Variants in CRYZL1 observed in about 807,000 individuals in gnomAD.
The protein encoded by CRYZL1 is crystallin zeta like 1, also known as ferry endosomal RAB5 effector complex subunit 4.
In CRYZL1, 34 loss-of-function variants were observed where a neutral mutation model predicts 50.6. The ratio of observed to expected loss-of-function variants is 0.67; its 90% CI spans 0.51 to 0.89. CRYZL1 has a LOEUF of 0.89. CRYZL1 is among the 40% of genes least tolerant of loss of function. The pLI is 0.00. For synonymous variants in CRYZL1, 125 were observed against 134.3 expected (o/e 0.93, Z 0.48); for missense variants, 354 against 402.3 (o/e 0.88, Z 1.03).
At position 33,603,405 on chromosome 21, in the gene CRYZL1, C is replaced by G. The variant is rs2086775993; in HGVS notation, c.464G>C (p.Ser155Thr). The change falls in exon 7 of 13, where the codon AGT becomes ACT. Residue 155 changes from serine (S) to threonine (T), a missense_variant and splice_region_variant. Coordinates refer to ENST00000381554, the MANE Select transcript of CRYZL1 (RefSeq NM_145858.3). ...CTTAACAAAACCATTAGCACCTACACTTGCTCCATCCATTATCAGCACTGA... is the reference window on the plus strand; with the variant it reads ...CTTAACAAAACCATTAGCACCTACAGTTGCTCCATCCATTATCAGCACTGA... ...GKSVLIMDGA[S>T]AFGTIAIQLA... is the part of the protein sequence containing the mutation. The G allele has an allele frequency of 1.2e-5, 19 of 1,613,902 alleles. No individual in the cohort carries two copies. Among genetic ancestry groups the G allele is most frequent in the Middle Eastern group, 1.6e-4 (1 of 6,084 alleles).
intron 8 of CRYZL1, among the ~76,000 whole-genome samples, chr21:33,600,010 T>C (rs895321039): frequency 6.6e-6 from 1 of 152,130 alleles, no homozygotes; most frequent in Admixed American, 6.6e-5. Context: ...ACAGATGATA[T>C]GCTCATCTTT....
intron 6 of CRYZL1, among the ~76,000 whole-genome samples, chr21:33,610,919 A>AT (rs2086866344): frequency 0.04 from 5 of 126 alleles, no homozygotes; most frequent in South Asian, 0.33. Context: ...TTTAGTAGAG[A>AT]CGGGTTTCAC....
chr21:33,610,948 C>G (rs376917704), intron 6 of CRYZL1, among the ~76,000 whole-genome samples: 6 of 151,836 alleles, frequency 4.0e-5, no homozygotes. Context: ...CCAGGCTGGT[C>G]TCGGACTCCT....
intron 1 of CRYZL1, among the ~76,000 whole-genome samples, chr21:33,636,956 G>A (rs1304128316): frequency 5.3e-5 from 8 of 152,070 alleles, no homozygotes; most frequent in African/African-American, 9.7e-5. Flanking sequence ...ACAGGCGCCC[G>A]CCACTGCGCC....
chr21:33,610,169 C>G (rs1396209681), intron 6 of CRYZL1, among the ~76,000 whole-genome samples: 2 of 149,724 alleles, frequency 1.3e-5, no homozygotes, highest in African/African-American at 4.9e-5. Context: ...TTATTTTATG[C>G]TATTTTATTT....
At chr21:33,603,275 G>A in intron 7 of CRYZL1, 129 bp downstream of exon 7, 1 of 1,093,730 alleles carries the variant, frequency 9.1e-7, no homozygotes, top group South Asian at 1.6e-5. Context: ...AACAAAATAG[G>A]ACACTGGAAA....
chr21:33,621,467 G>A (rs1044834415), intron 4 of CRYZL1, among the ~76,000 whole-genome samples: 3 of 151,156 alleles, frequency 2.0e-5, no homozygotes, highest in Non-Finnish European at 2.9e-5. Context: ...TCAGCCTCCC[G>A]AGTAGCTGAG....
chr21:33,610,983 G>A lies in CRYZL1; in HGVS notation c.331+2555C>T, dbSNP rs555224447. 5.3e-5 allele frequency among the ~76,000 whole-genome samples: 8 copies of A among 151,932 alleles called. No homozygotes were observed. The East Asian group carries it at 9.7e-4, about 18-fold the overall frequency. On this transcript the variant is annotated intron_variant, in intron 6 of 12. Coordinates refer to ENST00000381554, the MANE Select transcript of CRYZL1 (RefSeq NM_145858.3). ...TGACCTCAGGCGATCCACCCATCTC[G>A]GCCTCCCAAAGTGCTGGGATTACAG...
intron 4 of CRYZL1, among the ~76,000 whole-genome samples, chr21:33,619,161 A>G (rs2086968194): frequency 6.6e-6 from 1 of 152,226 alleles, no homozygotes. Context: ...AAGCCTGAAC[A>G]AGAACTCTGT....
At chr21:33,637,200 T>G (rs1012506590) in intron 1 of CRYZL1, among the ~76,000 whole-genome samples, 1 of 152,050 alleles carries the variant, frequency 6.6e-6, no homozygotes, top group African/African-American at 2.4e-5. Flanking sequence ...AATCCCAGCA[T>G]TTTTGGAGGC....
intron 11 of CRYZL1, chr21:33,595,287 T>C: frequency 9.8e-7 from 1 of 1,016,724 alleles, no homozygotes; most frequent in Non-Finnish European, 1.3e-6. Flanking sequence ...CTCCACAAAC[T>C]CTTTAATTTA....
chr21:33,638,791 A>G (rs949775887), intron 1 of CRYZL1, among the ~76,000 whole-genome samples: 1 of 152,340 alleles, frequency 6.6e-6, no homozygotes, highest in Middle Eastern at 3.4e-3. Context: ...AGGCATTATA[A>G]CTTAAAACTA....
At chr21:33,629,924 T>C (rs1307127624) in intron 2 of CRYZL1, among the ~76,000 whole-genome samples, 2 of 152,216 alleles carry the variant, frequency 1.3e-5, no homozygotes, top group East Asian at 1.9e-4. Flanking sequence ...CTAATTTATG[T>C]AGGATTTTTA....
rs904826252 is a variant in CRYZL1 at position 33,589,593 on chromosome 21, A to C, written c.*229T>G. 4.5e-5 allele frequency: 23 copies of C among 508,094 alleles called. No homozygotes were observed. Among genetic ancestry groups the C allele is most frequent in the Non-Finnish European group, 7.0e-6 (2 of 285,744 alleles). The allele number at this position is 508,094 out of a possible 1,614,324, so 31.5% of individuals were successfully genotyped here. On this transcript the variant is annotated 3_prime_UTR_variant, in exon 13 of 13. Coordinates refer to ENST00000381554, the MANE Select transcript of CRYZL1 (RefSeq NM_145858.3). ...ATATAGAAACAATGAAAAGGTTTTT[A>C]GAAAAATTCCCTTAAGATGTTAATT...
intron 2 of CRYZL1, among the ~76,000 whole-genome samples, chr21:33,627,307 C>A (rs772391466): frequency 2.0e-5 from 3 of 152,090 alleles, no homozygotes; most frequent in Non-Finnish European, 4.4e-5. Context: ...CTTTTTTGCC[C>A]AGGCTGGTCT....
chr21:33,618,497 A>G (rs542520444), intron 4 of CRYZL1, among the ~76,000 whole-genome samples: 6 of 152,064 alleles, frequency 3.9e-5, no homozygotes, highest in Non-Finnish European at 7.4e-5. Context: ...CAATGTACCA[A>G]TAAGGTAGGT....
At chr21:33,616,872 A>G (rs987566725) in intron 4 of CRYZL1, 122 bp from the exon 5 acceptor site, 1 of 827,876 alleles carries the variant, frequency 1.2e-6, no homozygotes, top group South Asian at 2.4e-5. Flanking sequence ...TAATGTGGAA[A>G]AAAGGACCAA....
Position 33,600,915 on chromosome 21 carries a change from C to T in CRYZL1, c.577+1319G>A, listed in dbSNP as rs1297188068. On this transcript the variant is annotated intron_variant, in intron 8 of 12. Transcript: ENST00000381554. ...GTGCTGGGATTATAGGTATGAGCCA[C>T]TGTGCCCGGTCCATAAAGTTTTTTT... 2.1e-5 allele frequency among the ~76,000 whole-genome samples: 3 copies of T among 140,374 alleles called. No homozygotes were observed. In the Admixed American group the frequency reaches 2.2e-4, roughly 10 times the overall value. The allele number at this position is 140,374 out of a possible 152,430, so 92.1% of individuals were successfully genotyped here. A position where few individuals can be genotyped will look rare whatever the true frequency, so the allele number is the denominator to read the frequency against.
At chr21:33,622,719 C>T (rs919757697) in intron 3 of CRYZL1, among the ~76,000 whole-genome samples, 6 of 152,076 alleles carry the variant, frequency 3.9e-5, no homozygotes, top group African/African-American at 9.7e-5. Flanking sequence ...TCTTTAAGCC[C>T]GTGGTTTAAG....
Sources: gnomAD v4.1 joint callset for allele counts (sites outside exome capture counted in the v4.1 genomes callset) on GRCh38, gnomAD v4.1.1 for gene constraint, MANE v1.5 for transcripts, NCBI Gene and HGNC (gene_info 2026-07-23, HGNC 2026-07-21) for gene names.